NPHP4: variants seen among roughly 807,000 people sequenced by gnomAD.
The protein encoded by NPHP4 is nephrocystin-4.
In NPHP4, 151 loss-of-function variants were observed where a neutral mutation model predicts 155.8. The observed-to-expected ratio is 0.97, with a 90% CI of 0.85 to 1.11. The LOEUF (loss-of-function observed/expected upper bound fraction) is 1.11, where lower values mean the gene tolerates loss of function less well. Among genes scored for constraint, NPHP4 ranks in the 50% least tolerant of loss-of-function variants. The pLI, the probability that NPHP4 is intolerant of heterozygous loss-of-function variation, is 0.00. For synonymous variants in NPHP4, 845 were observed against 816.8 expected, an observed-to-expected ratio of 1.03 and a Z score of -0.59; for missense variants, 1,956 against 1,925.7, an observed-to-expected ratio of 1.02 and a Z score of -0.29.
intron 11 of NPHP4, among the ~76,000 whole-genome samples, chr1:5,909,515 G>A (rs992937873): frequency 2.6e-5 from 4 of 152,242 alleles, no homozygotes; most frequent in East Asian, 3.9e-4. Flanking sequence ...TCCCTAACAC[G>A]CTTCTCCTCA....
intron 29 of NPHP4, 94 bp from the exon 30 acceptor site, chr1:5,863,499 G>C (rs979562071): frequency 2.9e-5 from 44 of 1,492,370 alleles, no homozygotes; most frequent in Non-Finnish European, 3.6e-5. Flanking sequence ...ATTTCCAAGG[G>C]GAGCTGACAA....
In NPHP4 at chr1:5,933,311, G is replaced by A; in HGVS notation, c.1138C>T (p.Leu380=). 6.2e-7 allele frequency: 1 copy of A among 1,613,116 alleles called. No homozygotes were observed. The highest frequency in any genetic ancestry group is 8.5e-7 in the Non-Finnish European group (1 of 1,179,784). The change falls in exon 10 of 30, where the codon CTG becomes TTG. Residue 380 remains leucine, a synonymous_variant. Coordinates refer to ENST00000378156, the MANE Select transcript of NPHP4 (RefSeq NM_015102.5). The stretch of plus-strand genomic sequence containing the variant: ...ATGTGCATGCATGCCAGGTTGGACA[G>A]AGAGGTGACCGAAGCTGCCTAGAAT... ...VDGNAASVTS[L]SNLACMHMVR...
At position 5,904,786 on chromosome 1, in the gene NPHP4, T is replaced by G. The variant is rs1303186275; in HGVS notation, c.1974A>C (p.Arg658=). ...LAFSRVAQDC[R]GTSWPKTVYF... is the part of the protein sequence containing the mutation. ...ACACAGTCTTTGGCCATGATGTTCC[T>G]CGGCAGTCCTGGGCCACTCTGAATC... is the stretch of plus-strand genomic sequence containing the variant. The change falls in exon 16 of 30, where the codon CGA becomes CGC. Residue 658 remains arginine (R), a synonymous_variant. Transcript: ENST00000378156. The G allele has an allele frequency of 1.2e-6, 2 of 1,613,908 alleles. No homozygotes were observed. The highest frequency in any genetic ancestry group is 2.7e-5 in the African/African-American group (2 of 74,922).
chr1:5,950,639 C>T lies in NPHP4; in HGVS notation c.810+2061G>A, dbSNP rs191184766. On this transcript the variant is annotated intron_variant, in intron 7 of 29. Transcript: ENST00000378156. Reference sequence around the variant, plus strand: ...CATTTCCAACTCCTCTCTTAAACATCTGCCTCCACGAGAGCAAGCCCAGAC... The same window carrying T: ...CATTTCCAACTCCTCTCTTAAACATTTGCCTCCACGAGAGCAAGCCCAGAC... 1.7e-3 allele frequency among the ~76,000 whole-genome samples: 264 copies of T among 152,258 alleles called. 2 individuals are homozygous for T. Among genetic ancestry groups the T allele is most frequent in the African/African-American group, 6.0e-3 (250 of 41,558 alleles).
chr1:5,940,921 C>T (rs1482182750), intron 9 of NPHP4, among the ~76,000 whole-genome samples: 3 of 152,138 alleles, frequency 2.0e-5, no homozygotes, highest in Non-Finnish European at 2.9e-5. Context: ...AAATGCCAAT[C>T]AGCATTTTTT....
At chr1:5,904,255 A>G (rs556215023) in intron 16 of NPHP4, among the ~76,000 whole-genome samples, 4 of 152,370 alleles carry the variant, frequency 2.6e-5, no homozygotes, top group Admixed American at 2.6e-4. Flanking sequence ...GCAAAATTTT[A>G]ACATTGGCTA....
rs946910729 is a variant in NPHP4 at position 5,890,547 on chromosome 1, T to C, written c.2304+321A>G. On this transcript the variant is annotated intron_variant, in intron 17 of 29. Transcript: ENST00000378156. This position sits in a 1 kb window ranked among gnomAD's most constrained non-coding sequence, Gnocchi z 4.9. The stretch of plus-strand genomic sequence containing the variant: ...ATCCTCAACCCACCTCGGATGCACC[T>C]GCCCTCACCACATTCACCACATGGG... Among the ~76,000 whole-genome samples, 4 of 152,150 alleles carry C rather than the reference T, an allele frequency of 2.6e-5. No homozygotes were observed. The highest frequency in any genetic ancestry group is 9.7e-5 in the African/African-American group (4 of 41,432).
rs200684272 is a variant in NPHP4, at chr1:5,948,118, G to C, written c.944C>G (p.Thr315Arg). Reference sequence around the variant, plus strand: ...TTTCCTGCTGAAGCTAGCTGAGCGCGTCAAGGCCACATCCATCTCAGGCAC... The same window carrying C: ...TTTCCTGCTGAAGCTAGCTGAGCGCCTCAAGGCCACATCCATCTCAGGCAC... The part of the protein sequence containing the change: ...VLVPEMDVAL[T>R]RSASFSRKVV... The change falls in exon 8 of 30, where the codon ACG (threonine) becomes AGG (arginine). Residue 315 changes from threonine (T) to arginine (R), a missense_variant. Thr to Arg is a moderately conservative substitution (Grantham distance 71, BLOSUM62 -1). Coordinates refer to ENST00000378156, the MANE Select transcript of NPHP4 (RefSeq NM_015102.5). The C allele has an allele frequency of 6.2e-7, 1 of 1,613,844 alleles. No homozygotes were observed. Among genetic ancestry groups the C allele is most frequent in the South Asian group, 1.1e-5 (1 of 91,066 alleles).
chr1:5,864,298 G>A (rs770576403), intron 28 of NPHP4, 40 bp downstream of exon 28: 1 of 1,541,532 alleles, frequency 6.5e-7, no homozygotes, highest in Non-Finnish European at 8.8e-7. Flanking sequence ...CTGGTATTGA[G>A]CCCCCATCCC....
At chr1:5,978,551 T>C in intron 2 of NPHP4, 138 bp from the exon 3 acceptor site, 2 of 768,950 alleles carry the variant, frequency 2.6e-6, no homozygotes, top group South Asian at 1.8e-5. Context: ...AGGCTACCTC[T>C]CTCCCACAGC....
At chr1:5,976,372 T>A (rs1226596840) in intron 3 of NPHP4, among the ~76,000 whole-genome samples, 6 of 152,138 alleles carry the variant, frequency 3.9e-5, no homozygotes, top group Admixed American at 3.9e-4. Flanking sequence ...GATGGCTAAC[T>A]TCACCACCCG....
rs771784758 is a variant in NPHP4 at position 5,877,124 on chromosome 1, C to A, written c.2786G>T (p.Gly929Val). The change falls in exon 20 of 30, where the codon GGA becomes GTA. Residue 929 changes from glycine to valine, a missense_variant. Transcript: ENST00000378156. ...GCTCGTCCCGCGCCGGCCCAAGTCTCCCCCGGCCTCCTGCAGGCGCACAGA... is the reference window on the plus strand; with the variant it reads ...GCTCGTCCCGCGCCGGCCCAAGTCTACCCCGGCCTCCTGCAGGCGCACAGA... ...MRSVRLQEAG[G>V]DLGRRGTSVL... 1.3e-6 allele frequency: 2 copies of A among 1,585,118 alleles called. No homozygotes were observed. Among genetic ancestry groups the A allele is most frequent in the Non-Finnish European group, 1.7e-6 (2 of 1,158,524 alleles).
intron 18 of NPHP4, among the ~76,000 whole-genome samples, chr1:5,884,404 A>G (rs1308606835): frequency 6.6e-6 from 1 of 152,162 alleles, no homozygotes; most frequent in African/African-American, 2.4e-5. Context: ...AGGTCACAGA[A>G]CACAAGTAAC....
intron 5 of NPHP4, among the ~76,000 whole-genome samples, chr1:5,966,460 G>A (rs1414523148): frequency 6.6e-6 from 1 of 152,096 alleles, no homozygotes; most frequent in Non-Finnish European, 1.5e-5. Context: ...TGCCCAGGCT[G>A]GTTTCGAACT....
At chr1:5,888,300 G>GCCCCAGGCGTGGCTGGGACACTCTT in intron 17 of NPHP4, 3 of 981,798 alleles carry the variant, frequency 3.1e-6, no homozygotes, top group Non-Finnish European at 3.6e-6. Context: ...TCACGGCTGT[G>GCCCCAGGCGTGGCTGGGACACTCTT]CCCCAGGCGT....
chr1:5,873,763 C>A (rs996004424), intron 22 of NPHP4: 11 of 287,180 alleles, frequency 3.8e-5, no homozygotes, highest in African/African-American at 6.8e-5. Flanking sequence ...GCATGACACA[C>A]CCCCTGCAGG....
intron 16 of NPHP4, among the ~76,000 whole-genome samples, chr1:5,898,563 T>C (rs973652382): frequency 2.0e-5 from 3 of 152,198 alleles, no homozygotes; most frequent in Admixed American, 6.5e-5. Context: ...GATGCCGCTC[T>C]CTGAGTGGAT....
At chr1:5,873,893 A>G in intron 22 of NPHP4, 1 of 208,398 alleles carries the variant, frequency 4.8e-6, no homozygotes, top group South Asian at 7.1e-5. Flanking sequence ...CACATCTCAC[A>G]GACCCCTACA....
chr1:5,884,811 A>T (rs111881718), intron 18 of NPHP4, among the ~76,000 whole-genome samples: 1 of 142,242 alleles, frequency 7.0e-6, no homozygotes. Context: ...CCAAGCTCCC[A>T]GCCAAACCCC....
Sources: gnomAD v4.1 joint callset for allele counts (sites outside exome capture counted in the v4.1 genomes callset) on GRCh38, gnomAD v4.1.1 for gene constraint, Gnocchi (gnomAD v3.1) non-coding constraint, MANE v1.5 for transcripts, NCBI Gene and HGNC (gene_info 2026-07-23, HGNC 2026-07-21) for gene names.